The following XRCC1 variants were observed in gnomAD, a reference collection of about 807,000 sequenced individuals.
The protein encoded by XRCC1 is DNA repair protein XRCC1.
Under a neutral mutation model 83.3 loss-of-function variants are expected in XRCC1, and 52 were observed. The ratio of observed to expected loss-of-function variants is 0.62; its 90% confidence interval spans 0.50 to 0.79. XRCC1 has a LOEUF of 0.79. XRCC1 is among the 30% of genes least tolerant of loss of function. The probability of loss-of-function intolerance (pLI) is 0.00; values close to 1 mark genes in which losing one functional copy is unlikely to be tolerated. For synonymous variants in XRCC1, 281 were observed against 312.6 expected, an observed-to-expected ratio of 0.90 and a Z score of 1.07; for missense variants, 793 against 823.5, an observed-to-expected ratio of 0.96 and a Z score of 0.45.
At chr19:43,547,083 C>T (rs1379313098) in intron 10 of XRCC1, 106 bp from the exon 11 acceptor site, 2 of 1,093,696 alleles carry the variant, frequency 1.8e-6, no homozygotes, top group Non-Finnish European at 2.6e-6. Context: ...TCTAGTGGGC[C>T]TCATGGTCTT....
chr19:43,549,965 T>C (rs1313146705), intron 10 of XRCC1, among the ~76,000 whole-genome samples: 4 of 151,990 alleles, frequency 2.6e-5, no homozygotes. Flanking sequence ...GCCCCAGATA[T>C]AGCACCAGCC....
intron 2 of XRCC1, chr19:43,574,485 G>C (rs1159273926): frequency 6.2e-6 from 1 of 161,094 alleles, no homozygotes; most frequent in Non-Finnish European, 1.4e-5. Flanking sequence ...CCCATCTCAG[G>C]CTCTGAAAGT....
chr19:43,566,816 T>C, intron 2 of XRCC1, among the ~76,000 whole-genome samples: 1 of 147,752 alleles, frequency 6.8e-6, no homozygotes, highest in Non-Finnish European at 1.5e-5. Context: ...GAAGCAGAGG[T>C]TGCAGTGAGC....
chr19:43,543,808 C>T lies in XRCC1; in HGVS notation c.1713-121G>A, dbSNP rs548285087. On this transcript the variant is annotated intron_variant, in intron 15 of 16. Transcript: ENST00000262887. The stretch of plus-strand genomic sequence containing the variant: ...CCCCACCTATGCGCCTCTAGGTTGC[C>T]TCTAGGCTCCATTCTTTCATGTATC... 632 of 850,056 alleles carry T rather than the reference C, an allele frequency of 7.4e-4. 11 individuals are homozygous for T. The South Asian group carries it at 9.9e-3, about 13-fold the overall frequency. 52.7% of individuals were successfully genotyped at this position (850,056 alleles called of 1,614,324 possible).
intron 3 of XRCC1, among the ~76,000 whole-genome samples, chr19:43,556,940 G>A (rs1972642599): frequency 6.6e-6 from 1 of 152,134 alleles, no homozygotes; most frequent in Non-Finnish European, 1.5e-5. Context: ...AGGAGTTGGA[G>A]GTGATGGTGA....
At chr19:43,574,048 A>C (rs755102809) in intron 2 of XRCC1, among the ~76,000 whole-genome samples, 1 of 151,958 alleles carries the variant, frequency 6.6e-6, no homozygotes, top group Non-Finnish European at 1.5e-5. Context: ...CTGACAGGTA[A>C]CGTTGAATAA....
rs1972845599 is a variant in XRCC1 at position 43,575,307 on chromosome 19, T to A, written c.51+101A>T. On this transcript the variant is annotated intron_variant, in intron 1 of 16. Coordinates refer to ENST00000262887, the MANE Select transcript of XRCC1 (RefSeq NM_006297.3). ...TTTTAGCCTCCTGGAAATCCCCCCA[T>A]GACTCTCCTTAGACTTCCAAGAGAA... The A allele has an allele frequency of 6.2e-6, 8 of 1,291,912 alleles. No individual in the cohort carries two copies. The South Asian group carries it at 7.5e-5, about 12-fold the overall frequency. The allele number at this position is 1,291,912 out of a possible 1,614,324, so 80.0% of individuals were successfully genotyped here.
chr19:43,559,955 C>T (rs1475327153), intron 3 of XRCC1, among the ~76,000 whole-genome samples: 2 of 151,874 alleles, frequency 1.3e-5, no homozygotes, highest in Non-Finnish European at 2.9e-5. Flanking sequence ...GTGGTGTGCA[C>T]CTGTAGCCCT....
intron 2 of XRCC1, among the ~76,000 whole-genome samples, chr19:43,566,966 T>C (rs1972759695): frequency 6.6e-6 from 1 of 151,828 alleles, no homozygotes; most frequent in Non-Finnish European, 1.5e-5. Flanking sequence ...CATTGTACAG[T>C]ATATTTATGG....
At chr19:43,547,101 G>A (rs1415719643) in intron 10 of XRCC1, 124 bp from the exon 11 acceptor site, 12 of 923,972 alleles carry the variant, frequency 1.3e-5, no homozygotes, top group Non-Finnish European at 1.9e-5. Context: ...CTTGTTCCCA[G>A]CCCATTCTCT....
chr19:43,564,116 C>T, intron 2 of XRCC1, among the ~76,000 whole-genome samples: 1 of 152,148 alleles, frequency 6.6e-6, no homozygotes, highest in Non-Finnish European at 1.5e-5. Flanking sequence ...CAAATCCATA[C>T]CAAGAATGAG....
chr19:43,565,989 A>C (rs562458676), intron 2 of XRCC1, among the ~76,000 whole-genome samples: 8 of 152,078 alleles, frequency 5.3e-5, no homozygotes, highest in Non-Finnish European at 1.2e-4. Flanking sequence ...TAATCTCAGC[A>C]CTTTGGGAGG....
chr19:43,564,184 G>A (rs1305703494), intron 2 of XRCC1, among the ~76,000 whole-genome samples: 1 of 152,156 alleles, frequency 6.6e-6, no homozygotes, highest in Non-Finnish European at 1.5e-5. Context: ...CTACATAAAT[G>A]TCAGCTGCGA....
chr19:43,552,659 GC>G, intron 8 of XRCC1, 137 bp downstream of exon 8: 1 of 809,876 alleles, frequency 1.2e-6, no homozygotes. Context: ...CAGGCCCCCA[GC>G]CCCTCCTCCC....
rs376540134 is a variant in XRCC1, at chr19:43,546,618, A to C, written c.1403T>G (p.Ile468Arg). The C allele has an allele frequency of 6.2e-7, 1 of 1,610,872 alleles. No homozygotes were observed. The highest frequency in any genetic ancestry group is 1.1e-5 in the South Asian group (1 of 90,714). ...KAASPVLQEDIDIEGVQSEGQ... is the reference protein window; with the variant it reads ...KAASPVLQEDRDIEGVQSEGQ... Reference sequence around the variant, plus strand: ...ACCTGACTGTACCCCCTCAATGTCTATATCTTCCTGGAGCACTGGTGAGGC... The same window carrying C: ...ACCTGACTGTACCCCCTCAATGTCTCTATCTTCCTGGAGCACTGGTGAGGC... Residue 468 changes from isoleucine to arginine, a missense_variant, in exon 12 of 17, where the codon ATA (isoleucine) becomes AGA (arginine). Ile to Arg is a moderately conservative substitution (Grantham distance 97, BLOSUM62 -3). Coordinates refer to ENST00000262887, the MANE Select transcript of XRCC1 (RefSeq NM_006297.3).
At chr19:43,570,153 C>A (rs145794121) in intron 2 of XRCC1, among the ~76,000 whole-genome samples, 1 of 152,212 alleles carries the variant, frequency 6.6e-6, no homozygotes, top group Non-Finnish European at 1.5e-5. Context: ...TAAGACACCA[C>A]AGTGGCGAAC....
Position 43,546,599 on chromosome 19 carries a change from C to T in XRCC1, c.1422G>A (p.Gln474=), listed in dbSNP as rs770514090. 6.2e-7 allele frequency: 1 copy of T among 1,608,248 alleles called. No homozygotes were observed. Among genetic ancestry groups the T allele is most frequent in the Non-Finnish European group, 8.5e-7 (1 of 1,178,460 alleles). The part of the protein sequence containing the change: ...LQEDIDIEGV[Q]SEGQDNGAED... ...CCTCCTCCCTCAGAGTCTGACCTGA[C>T]TGTACCCCCTCAATGTCTATATCTT... The change falls in exon 12 of 17, where the codon CAG becomes CAA. Residue 474 remains glutamine (Q), a synonymous_variant. Transcript: ENST00000262887.
rs1333920321 is a variant in XRCC1, at chr19:43,553,416, T to C, written c.586A>G (p.Asn196Asp). 1 of 1,614,148 alleles carries C rather than the reference T, an allele frequency of 6.2e-7. No individual in the cohort carries two copies. Among genetic ancestry groups the C allele is most frequent in the Non-Finnish European group, 8.5e-7 (1 of 1,179,994 alleles). ...CCGAGCTCACCTGGGGATGTCTTGT[T>C]GATCCGGCTGAAGAAGAGAGCCCCC... is the stretch of plus-strand genomic sequence containing the variant. ...RPGALFFSRI[N>D]KTSPVTASDP... is the part of the protein sequence containing the mutation. Residue 196 changes from asparagine (N) to aspartate (D), a missense_variant, in exon 6 of 17, where the codon AAC becomes GAC. Asn to Asp is a conservative substitution (Grantham distance 23). Coordinates refer to ENST00000262887, the MANE Select transcript of XRCC1 (RefSeq NM_006297.3).
At position 43,568,857 on chromosome 19, in the gene XRCC1, T is replaced by C. The variant is rs3213279; in HGVS notation, c.144+6053A>G. 3.6e-3 allele frequency among the ~76,000 whole-genome samples: 543 copies of C among 151,976 alleles called. 6 individuals carry two copies. The highest frequency in any genetic ancestry group is 0.012 in the African/African-American group (491 of 41,458). On this transcript the variant is annotated intron_variant, in intron 2 of 16. Transcript: ENST00000262887. ...CTTTTGCACCTTTTGAATTTTGCAC[T>C]ATATGCATATAATACCCATTCAGAA...
Sources: allele counts gnomAD v4.1 joint callset (sites outside exome capture counted in the v4.1 genomes callset), GRCh38; gene constraint gnomAD v4.1.1; transcripts MANE v1.5; gene names NCBI Gene and HGNC (gene_info 2026-07-23, HGNC 2026-07-21).